DPT: variants seen among roughly 807,000 people sequenced by gnomAD.
DPT encodes the protein dermatopontin.
In DPT, 21 loss-of-function variants were observed where a neutral mutation model predicts 31.2. The ratio of observed to expected loss-of-function variants is 0.67; its 90% CI spans 0.48 to 0.97. The LOEUF (loss-of-function observed/expected upper bound fraction) is 0.97. Among genes scored for constraint, DPT ranks in the 50% least tolerant of loss-of-function variants. The pLI, the probability that DPT is intolerant of heterozygous loss-of-function variation, is 0.00. For missense variants in DPT, 262 were observed against 258.8 expected (o/e 1.01, Z -0.08); for synonymous variants, 91 against 86.9 (o/e 1.05, Z -0.26).
intron 1 of DPT, among the ~76,000 whole-genome samples, chr1:168,714,960 C>G (rs574096407): frequency 1.3e-5 from 2 of 151,862 alleles, no homozygotes; most frequent in Middle Eastern, 6.8e-3. Flanking sequence ...TTTCTACCAC[C>G]CACAAGACCA....
At chr1:168,709,582 A>T (rs1055521514) in intron 2 of DPT, among the ~76,000 whole-genome samples, 2 of 152,162 alleles carry the variant, frequency 1.3e-5, no homozygotes, top group East Asian at 3.8e-4. Flanking sequence ...AGTTGGTTGG[A>T]TGATTTGTTT....
chr1:168,721,889 G>C (rs998475412), intron 1 of DPT, among the ~76,000 whole-genome samples: 2 of 152,182 alleles, frequency 1.3e-5, no homozygotes, highest in Non-Finnish European at 2.9e-5. Context: ...GAATTCTGCT[G>C]TCTTCTCCAT....
chr1:168,697,652 T>C (rs606012), intron 3 of DPT, among the ~76,000 whole-genome samples: 2 of 152,024 alleles, frequency 1.3e-5, no homozygotes, highest in African/African-American at 4.8e-5. Flanking sequence ...GACACTCCTG[T>C]GGTCTAATAC....
chr1:168,704,329 G>T (rs1649667494), intron 2 of DPT, among the ~76,000 whole-genome samples: 1 of 152,214 alleles, frequency 6.6e-6, no homozygotes, highest in South Asian at 2.1e-4. Flanking sequence ...TTATTGAAAT[G>T]AGTCTACTTT....
At chr1:168,728,348 T>TAG (rs1650293737) in intron 1 of DPT, among the ~76,000 whole-genome samples, 1 of 152,190 alleles carries the variant, frequency 6.6e-6, no homozygotes, top group Admixed American at 6.5e-5. Context: ...CTCTTTTCCA[T>TAG]TCACTTGCTC....
intron 2 of DPT, among the ~76,000 whole-genome samples, chr1:168,711,195 A>G (rs1339178210): frequency 2.3e-5 from 3 of 130,744 alleles, no homozygotes; most frequent in African/African-American, 8.7e-5. Flanking sequence ...TTTTTTTTGT[A>G]TTTTTAGTAG....
At chr1:168,697,315 C>T (rs1436744818) in intron 3 of DPT, among the ~76,000 whole-genome samples, 1 of 152,178 alleles carries the variant, frequency 6.6e-6, no homozygotes, top group African/African-American at 2.4e-5. Flanking sequence ...TTCCCACTGA[C>T]TCTTTCTGAG....
intron 2 of DPT, among the ~76,000 whole-genome samples, chr1:168,712,549 C>T (rs1014337507): frequency 6.6e-6 from 1 of 152,124 alleles, no homozygotes; most frequent in Admixed American, 6.5e-5. Context: ...AGGCTGGTTT[C>T]CTTGTGGGAA....
At chr1:168,715,224 G>A (rs1012318988) in intron 1 of DPT, among the ~76,000 whole-genome samples, 1 of 152,296 alleles carries the variant, frequency 6.6e-6, no homozygotes, top group Admixed American at 6.5e-5. Context: ...GGTCTTCACA[G>A]CACCTTTTGA....
intron 2 of DPT, among the ~76,000 whole-genome samples, chr1:168,704,214 C>A (rs1190384289): frequency 6.6e-6 from 1 of 152,146 alleles, no homozygotes; most frequent in Admixed American, 6.5e-5. Flanking sequence ...TTTGGAAAAA[C>A]ACACTTCATA....
intron 2 of DPT, among the ~76,000 whole-genome samples, chr1:168,712,254 A>G (rs1020123878): frequency 1.3e-5 from 2 of 152,100 alleles, no homozygotes; most frequent in African/African-American, 4.8e-5. Context: ...AGAGCCACCA[A>G]CATCCAGGCC....
intron 1 of DPT, among the ~76,000 whole-genome samples, chr1:168,728,096 C>G (rs1350538595): frequency 2.0e-5 from 3 of 152,188 alleles, no homozygotes; most frequent in Non-Finnish European, 4.4e-5. Flanking sequence ...CTGAGACAAT[C>G]ACACCCCACA....
At chr1:168,725,081 C>T (rs1320451554) in intron 1 of DPT, among the ~76,000 whole-genome samples, 1 of 152,198 alleles carries the variant, frequency 6.6e-6, no homozygotes, top group Non-Finnish European at 1.5e-5. Context: ...ATGTGCTAGG[C>T]ATTTGTTTTA....
chr1:168,703,016 AAG>A (rs1649638652), intron 2 of DPT, among the ~76,000 whole-genome samples: 1 of 152,232 alleles, frequency 6.6e-6, no homozygotes, highest in South Asian at 2.1e-4. Context: ...AACCCAAGGA[AAG>A]AGAGGTTTGT....
chr1:168,722,338 A>T (rs543010228), intron 1 of DPT, among the ~76,000 whole-genome samples: 76 of 152,334 alleles, frequency 5.0e-4, no homozygotes, highest in South Asian at 8.3e-4. Context: ...AAGCAAAATG[A>T]TATATTTCAG....
At chr1:168,707,161 TC>T (rs1649738190) in intron 2 of DPT, among the ~76,000 whole-genome samples, 2 of 152,168 alleles carry the variant, frequency 1.3e-5, no homozygotes, top group East Asian at 3.9e-4. Context: ...CTCAGTTCCC[TC>T]ATCTGTATGA....
chr1:168,711,465 TCTCC>T (rs1272810718), intron 2 of DPT, among the ~76,000 whole-genome samples: 6 of 152,140 alleles, frequency 3.9e-5, no homozygotes, highest in Non-Finnish European at 8.8e-5. Flanking sequence ...CACAGCAGGC[TCTCC>T]CACTCATCTC....
At chr1:168,722,583 C>T (rs969933470) in intron 1 of DPT, among the ~76,000 whole-genome samples, 12 of 152,088 alleles carry the variant, frequency 7.9e-5, no homozygotes, top group Non-Finnish European at 1.6e-4. Flanking sequence ...AGCTTCTCAC[C>T]ACGATCACCA....
chr1:168,701,152 A>G, intron 2 of DPT, 28 bp from the exon 3 acceptor site: 1 of 1,499,386 alleles, frequency 6.7e-7, no homozygotes, highest in South Asian at 1.1e-5. Flanking sequence ...AGGTTAGAGG[A>G]AAATGAAACA....
Sources: gnomAD v4.1 joint callset for allele counts (sites outside exome capture counted in the v4.1 genomes callset) on GRCh38, gnomAD v4.1.1 for gene constraint, MANE v1.5 for transcripts, NCBI Gene and HGNC (gene_info 2026-07-23, HGNC 2026-07-21) for gene names.